The following IMPG1 variants were observed in gnomAD, a reference collection of about 807,000 sequenced individuals.
The protein encoded by IMPG1 is interphotoreceptor matrix proteoglycan 1, also known as interphotoreceptor matrix proteoglycan of 150 kDa.
A neutral mutation model predicts 92.0 loss-of-function variants in IMPG1; 85 were observed. That is an observed-to-expected ratio of 0.92 (90% CI 0.78 to 1.11). IMPG1 has a LOEUF of 1.11. Ranked by LOEUF, IMPG1 falls within the 50% of genes least tolerant of loss-of-function variation. IMPG1 has a pLI of 0.00. For missense variants in IMPG1, 1,022 were observed against 956.0 expected, an observed-to-expected ratio of 1.07 and a Z score of -0.91; for synonymous variants, 367 against 334.1, an observed-to-expected ratio of 1.10 and a Z score of -1.08.
At chr6:75,973,476 C>G (rs1056080676) in intron 12 of IMPG1, among the ~76,000 whole-genome samples, 8 of 152,248 alleles carry the variant, frequency 5.3e-5, no homozygotes, top group Middle Eastern at 3.4e-3. Context: ...ATGATAAAAA[C>G]AGCTCTCATT....
intron 1 of IMPG1, 117 bp downstream of exon 1, chr6:76,072,305 G>A: frequency 3.8e-6 from 2 of 531,636 alleles, no homozygotes; most frequent in Non-Finnish European, 6.7e-6. Context: ...ATTTATTCAA[G>A]GCCTACTATA....
intron 12 of IMPG1, among the ~76,000 whole-genome samples, chr6:75,996,693 T>C (rs1018785206): frequency 6.6e-6 from 1 of 152,134 alleles, no homozygotes; most frequent in Non-Finnish European, 1.5e-5. Context: ...CAGCAAAGGA[T>C]GTGACTGACA....
At chr6:76,062,906 C>CAGT (rs1445523856) in intron 1 of IMPG1, among the ~76,000 whole-genome samples, 2 of 149,940 alleles carry the variant, frequency 1.3e-5, no homozygotes, top group Non-Finnish European at 1.5e-5. Context: ...GAATGGATGC[C>CAGT]AGTTCTCCTT....
At chr6:76,036,046 T>C (rs186087419) in intron 2 of IMPG1, among the ~76,000 whole-genome samples, 54 of 152,338 alleles carry the variant, frequency 3.5e-4, no homozygotes, top group Non-Finnish European at 7.1e-4. Flanking sequence ...AGAACAGTGC[T>C]GTAACAAAAC....
chr6:76,010,443 A>G (rs1244063588), intron 8 of IMPG1, among the ~76,000 whole-genome samples: 1 of 152,260 alleles, frequency 6.6e-6, no homozygotes, highest in Non-Finnish European at 1.5e-5. Flanking sequence ...TCCCCCAATC[A>G]TGAACCCACA....
chr6:76,025,254 C>T lies in IMPG1; in HGVS notation c.502G>A (p.Asp168Asn). The change falls in exon 5 of 17, where the codon GAT becomes AAT. Residue 168 changes from aspartate (D) to asparagine (N), a missense_variant. Asp to Asn is a conservative substitution (Grantham distance 23). Around this residue, in one of 3 missense-constraint regions of IMPG1, gnomAD observed 681 missense variants for 583.6 expected, o/e 1.17. Coordinates refer to ENST00000369950, the MANE Select transcript of IMPG1 (RefSeq NM_001563.4). ...IKQRSFPDRK[D>N]EISAEKTLGE... Reference sequence around the variant, plus strand: ...AATGTCTTCTCTGCAGATATTTCATCTTTTCTATTAGTACAATAGAAAAGA... The same window carrying T: ...AATGTCTTCTCTGCAGATATTTCATTTTTTCTATTAGTACAATAGAAAAGA... 1 of 1,575,598 alleles carries T rather than the reference C, an allele frequency of 6.3e-7. No homozygotes were observed. Among genetic ancestry groups the T allele is most frequent in the Non-Finnish European group, 8.7e-7 (1 of 1,147,024 alleles).
chr6:76,041,852 G>A, intron 2 of IMPG1, 41 bp downstream of exon 2: 1 of 1,317,394 alleles, frequency 7.6e-7, no homozygotes, highest in Non-Finnish European at 1.1e-6. Flanking sequence ...GGGAAGGGAT[G>A]GAAATAACAC....
intron 14 of IMPG1, among the ~76,000 whole-genome samples, chr6:75,941,606 A>C (rs939239671): frequency 6.6e-6 from 1 of 152,262 alleles, no homozygotes; most frequent in Non-Finnish European, 1.5e-5. Flanking sequence ...CATGGAAAGC[A>C]ATAACTTTGT....
At chr6:75,948,852 G>C (rs1781976949) in intron 13 of IMPG1, among the ~76,000 whole-genome samples, 1 of 152,096 alleles carries the variant, frequency 6.6e-6, no homozygotes, top group Non-Finnish European at 1.5e-5. Flanking sequence ...TTTTGCTTAG[G>C]AGAAAATTGC....
Position 76,003,890 on chromosome 6 carries a change from A to G in IMPG1, c.1196T>C (p.Phe399Ser), listed in dbSNP as rs377611306. 1.2e-5 allele frequency: 19 copies of G among 1,612,722 alleles called. No homozygotes were observed. The highest frequency in any genetic ancestry group is 1.6e-5 in the Non-Finnish European group (19 of 1,179,558). ...PDTQSELPTS[F>S]AVITEDATLS... ...CAAACTTACCTCTGTTATAACAGCA[A>G]AAGATGTGGGCAGCTCTGATTGGGT... The change falls in exon 11 of 17, where the codon TTT becomes TCT. Residue 399 changes from phenylalanine to serine, a missense_variant. By Grantham distance (155) the Phe-to-Ser change is radical. Transcript: ENST00000369950.
At chr6:75,944,796 G>A (rs896271478) in intron 14 of IMPG1, among the ~76,000 whole-genome samples, 5 of 152,152 alleles carry the variant, frequency 3.3e-5, no homozygotes, top group Non-Finnish European at 4.4e-5. Context: ...TGCTTCTCCT[G>A]GCTTTACATG....
intron 1 of IMPG1, among the ~76,000 whole-genome samples, chr6:76,052,351 G>A (rs1784057543): frequency 6.6e-6 from 1 of 152,176 alleles, no homozygotes; most frequent in Admixed American, 6.5e-5. Context: ...AAGCTGACTA[G>A]TTTCTGTGTC....
chr6:75,966,499 A>G (rs908237044), intron 12 of IMPG1, among the ~76,000 whole-genome samples: 5 of 152,084 alleles, frequency 3.3e-5, no homozygotes, highest in African/African-American at 1.2e-4. Flanking sequence ...GCCTTCCATC[A>G]TGAAATTATG....
intron 12 of IMPG1, among the ~76,000 whole-genome samples, chr6:75,992,368 C>G (rs1354597400): frequency 2.0e-5 from 3 of 152,196 alleles, no homozygotes; most frequent in Non-Finnish European, 4.4e-5. Context: ...TCAACTCCAG[C>G]ATGAAAAGAA....
intron 12 of IMPG1, among the ~76,000 whole-genome samples, chr6:75,991,085 T>C (rs1782806119): frequency 6.6e-6 from 1 of 152,174 alleles, no homozygotes; most frequent in Non-Finnish European, 1.5e-5. Context: ...ACCATTTGCA[T>C]GAAGGATGCT....
chr6:75,967,840 T>C (rs1480912626), intron 12 of IMPG1, among the ~76,000 whole-genome samples: 1 of 152,158 alleles, frequency 6.6e-6, no homozygotes, highest in African/African-American at 2.4e-5. Flanking sequence ...AAGAATTTGA[T>C]ATTTAGCCAC....
In IMPG1 at chr6:75,931,123, C is replaced by T. The variant is rs1562337830; in HGVS notation, c.2073G>A (p.Leu691=). 1 of 1,613,714 alleles carries T rather than the reference C, an allele frequency of 6.2e-7. No homozygotes were observed. Among genetic ancestry groups the T allele is most frequent in the Non-Finnish European group, 8.5e-7 (1 of 1,179,788 alleles). The change falls in exon 15 of 17, where the codon CTG becomes CTA. Residue 691 remains leucine, a synonymous_variant. Coordinates refer to ENST00000369950, the MANE Select transcript of IMPG1 (RefSeq NM_001563.4). ...CACATTGGGCAAATTCGCCGCAGGC[C>T]AGGAACTTGCAGGGATCTGCTTGAT... The part of the protein sequence containing the change: ...PADQADPCKF[L]ACGEFAQCVK...
At chr6:76,016,637 G>T (rs138244215) in intron 7 of IMPG1, among the ~76,000 whole-genome samples, 1 of 152,188 alleles carries the variant, frequency 6.6e-6, no homozygotes, top group African/African-American at 2.4e-5. Context: ...GAAGAGGTAC[G>T]TATTGAATTC....
At chr6:76,018,395 C>G (rs1357431143) in intron 7 of IMPG1, among the ~76,000 whole-genome samples, 1 of 152,144 alleles carries the variant, frequency 6.6e-6, no homozygotes, top group Non-Finnish European at 1.5e-5. Context: ...CTACTATTGA[C>G]CTTCTTAATG....
Sources: gnomAD v4.1 joint callset for allele counts (sites outside exome capture counted in the v4.1 genomes callset) on GRCh38, gnomAD v4.1.1 for gene constraint, gnomAD v4.1.1 regional missense constraint, MANE v1.5 for transcripts, NCBI Gene and HGNC (gene_info 2026-07-23, HGNC 2026-07-21) for gene names.